Variants in CENATAC observed in about 807,000 individuals in gnomAD.
CENATAC encodes the protein coiled-coil domain containing 84.
Under a neutral mutation model 53.7 loss-of-function variants are expected in CENATAC, and 53 were observed. That is an observed-to-expected ratio of 0.99 (90% CI 0.79 to 1.24). The LOEUF is 1.24. Ranked by LOEUF, CENATAC falls within the 50% of genes most tolerant of loss-of-function variation. The pLI is 0.00. For synonymous variants in CENATAC, 156 were observed against 144.6 expected, an observed-to-expected ratio of 1.08 and a Z score of -0.57; for missense variants, 474 against 417.8, an observed-to-expected ratio of 1.13 and a Z score of -1.17.
intron 3 of CENATAC, chr11:119,001,881 A>AC (rs1205300109): frequency 7.9e-6 from 2 of 253,568 alleles, no homozygotes; most frequent in African/African-American, 4.4e-5. Context: ...GTGTATCAAG[A>AC]CCCCATCTCT....
chr11:119,007,075 ACAT>A (rs1483809659), intron 3 of CENATAC, among the ~76,000 whole-genome samples: 5 of 152,212 alleles, frequency 3.3e-5, no homozygotes, highest in Non-Finnish European at 5.9e-5. Flanking sequence ...CACCCTGTCA[ACAT>A]CATCTCTCTG....
intron 7 of CENATAC, chr11:119,012,984 G>C (rs1942944519): frequency 2.4e-6 from 1 of 420,418 alleles, no homozygotes; most frequent in Non-Finnish European, 4.2e-6. Context: ...TGCTCCCCTG[G>C]CATGTAATAG....
chr11:119,011,822 C>T lies in CENATAC; in HGVS notation c.514-117C>T, dbSNP rs1019469763. 5 of 835,500 alleles carry T rather than the reference C, an allele frequency of 6.0e-6. No individual in the cohort carries two copies. In the African/African-American group the frequency reaches 8.4e-5, roughly 14 times the overall value. 51.8% of individuals were successfully genotyped at this position (835,500 alleles called of 1,614,324 possible). A position where few individuals can be genotyped will look rare whatever the true frequency, so the allele number is the denominator to read the frequency against. The stretch of plus-strand genomic sequence containing the variant: ...AAGAGTCTGTAAAAGATGGGCAGTA[C>T]CTTCCATATGCTAATTTGTTTCCTT... On this transcript the variant is annotated intron_variant, in intron 5 of 10. Coordinates refer to ENST00000334418, the MANE Select transcript of CENATAC (RefSeq NM_198489.3).
chr11:119,014,745 CA>C lies in CENATAC; in HGVS notation c.716-245del, dbSNP rs374992419. On this transcript the variant is annotated intron_variant, in intron 8 of 10. Coordinates refer to ENST00000334418, the MANE Select transcript of CENATAC (RefSeq NM_198489.3). ...GGGTCTAGATTGTAATGGCTTCGCT[CA>C]AAAGTCACCAAATTTAAGTGTGTAT... is the stretch of plus-strand genomic sequence containing the variant. 3.5e-5 allele frequency: 11 copies of C among 317,998 alleles called. No individual in the cohort carries two copies. In the East Asian group the frequency reaches 4.9e-4, roughly 14 times the overall value. The allele number at this position is 317,998 out of a possible 1,614,324, so 19.7% of individuals were successfully genotyped here.
chr11:118,998,950 T>C (rs1270964631), intron 2 of CENATAC, 61 bp from the exon 3 acceptor site: 9 of 1,321,974 alleles, frequency 6.8e-6, no homozygotes, highest in Non-Finnish European at 8.7e-6. Flanking sequence ...AACCTAATGC[T>C]TAATATCTGA....
chr11:119,014,815 C>CA, intron 8 of CENATAC, 179 bp from the exon 9 acceptor site: 1 of 451,240 alleles, frequency 2.2e-6, no homozygotes. Flanking sequence ...AAATGACTGT[C>CA]ACATATGGGG....
At chr11:119,006,178 C>G (rs1403108779) in intron 3 of CENATAC, among the ~76,000 whole-genome samples, 1 of 147,692 alleles carries the variant, frequency 6.8e-6, no homozygotes, top group Admixed American at 6.8e-5. Flanking sequence ...CCTCTGCCTC[C>G]CAGGTTCAAG....
rs1489349957 is a variant in CENATAC, at chr11:119,015,778, G to T, written c.*180G>T. The T allele has an allele frequency of 1.5e-6, 2 of 1,333,858 alleles. No homozygotes were observed. Among genetic ancestry groups the T allele is most frequent in the Admixed American group, 3.9e-5 (2 of 51,146 alleles). 82.6% of individuals were successfully genotyped at this position (1,333,858 alleles called of 1,614,324 possible). On this transcript the variant is annotated 3_prime_UTR_variant, in exon 11 of 11. Coordinates refer to ENST00000334418, the MANE Select transcript of CENATAC (RefSeq NM_198489.3). ...TTGGACCTGTAAAAAAAAATTAAAA[G>T]AATCAGAACCATAAAGCTTTGTATC... is the stretch of plus-strand genomic sequence containing the variant.
rs781888190 is a variant in CENATAC, at chr11:118,998,271, A to G, written c.74A>G (p.Lys25Arg). ...GGTCGCGGGCACGTTTACAGCCGCA[A>G]GCACCAGCGGCAGCTGAAGGAGGCT... ...FCGRGHVYSR[K>R]HQRQLKEALE... The change falls in exon 1 of 11, where the codon AAG becomes AGG. Residue 25 changes from lysine (K) to arginine (R), a missense_variant. Coordinates refer to ENST00000334418, the MANE Select transcript of CENATAC (RefSeq NM_198489.3). 1.9e-6 allele frequency: 3 copies of G among 1,598,096 alleles called. No individual in the cohort carries two copies. The highest frequency in any genetic ancestry group is 2.3e-5 in the South Asian group (2 of 88,714).
Position 119,010,620 on chromosome 11 carries a change from G to A in CENATAC, c.384-144G>A. On this transcript the variant is annotated intron_variant, in intron 3 of 10. Transcript: ENST00000334418. ...ATGGCAAAATGTTTACAAGGACTCTGGGTGAGAGGTACATAGGTGCTTACT... is the reference window on the plus strand; with the variant it reads ...ATGGCAAAATGTTTACAAGGACTCTAGGTGAGAGGTACATAGGTGCTTACT... 2 of 669,100 alleles carry A rather than the reference G, an allele frequency of 3.0e-6. 1 individual carries two copies. Among genetic ancestry groups the A allele is most frequent in the South Asian group, 4.1e-5 (2 of 49,262 alleles). The allele number at this position is 669,100 out of a possible 1,614,324, so 41.4% of individuals were successfully genotyped here.
rs572556966 is a variant in CENATAC, at chr11:119,013,698, C to T, written c.715+436C>T. ...CGGGATGGTCTCGATCTCCTGACCT[C>T]GTGATCCACCCGCCTCGGCCTCCCA... On this transcript the variant is annotated intron_variant, in intron 8 of 10. Transcript: ENST00000334418. Among the ~76,000 whole-genome samples the T allele has an allele frequency of 8.6e-5, 13 of 151,858 alleles. 1 individual carries two copies. In the South Asian group the frequency reaches 2.3e-3, roughly 27 times the overall value.
Position 118,999,606 on chromosome 11 carries a change from A to C in CENATAC, c.383+497A>C, listed in dbSNP as rs529261945. Among the ~76,000 whole-genome samples, 5 of 151,828 alleles carry C rather than the reference A, an allele frequency of 3.3e-5. No homozygotes were observed. In the South Asian group the frequency reaches 8.4e-4, roughly 25 times the overall value. On this transcript the variant is annotated intron_variant, in intron 3 of 10. Transcript: ENST00000334418. The stretch of plus-strand genomic sequence containing the variant: ...CCCAAGTAGCTGGGATTACAGGCGC[A>C]AACCACCACACCTGGCTAATTTTTG...
intron 3 of CENATAC, among the ~76,000 whole-genome samples, chr11:119,009,120 C>G (rs560057240): frequency 1.3e-5 from 2 of 152,150 alleles, no homozygotes; most frequent in Non-Finnish European, 2.9e-5. Flanking sequence ...ATCTTTCTTT[C>G]TTTTCCCTAC....
Position 119,012,003 on chromosome 11 carries a change from G to T in CENATAC, c.578G>T (p.Ser193Ile). Reference sequence around the variant, plus strand: ...CCTAGAAGCTGGAAAGGGATGAACAGGTAAGACTATTAGGGAATCTCTTGT... The same window carrying T: ...CCTAGAAGCTGGAAAGGGATGAACATGTAAGACTATTAGGGAATCTCTTGT... ...SAPRSWKGMN[S>I]QVASSLQQPS... The change falls in exon 6 of 11, where the codon AGC (serine) becomes ATC (isoleucine). Residue 193 changes from serine to isoleucine, a missense_variant and splice_region_variant. Coordinates refer to ENST00000334418, the MANE Select transcript of CENATAC (RefSeq NM_198489.3). 2.5e-6 allele frequency: 4 copies of T among 1,613,926 alleles called. No individual in the cohort carries two copies. The highest frequency in any genetic ancestry group is 3.4e-6 in the Non-Finnish European group (4 of 1,179,888).
intron 3 of CENATAC, among the ~76,000 whole-genome samples, chr11:119,005,389 C>G (rs2134541530): frequency 6.6e-6 from 1 of 151,676 alleles, no homozygotes; most frequent in African/African-American, 2.4e-5. Context: ...TGGCGTGAAC[C>G]CAGGAGGTGG....
chr11:119,003,885 C>G (rs1422506801), intron 3 of CENATAC: 1 of 152,738 alleles, frequency 6.5e-6, no homozygotes, highest in Non-Finnish European at 1.5e-5. Context: ...TCCCAAAGTG[C>G]TGGGATTATA....
intron 3 of CENATAC, among the ~76,000 whole-genome samples, chr11:119,007,945 C>T (rs1160463424): frequency 2.6e-5 from 4 of 152,330 alleles, no homozygotes; most frequent in Admixed American, 2.0e-4. Flanking sequence ...AAAGAGCCAG[C>T]TTCTCAGGTC....
intron 5 of CENATAC, 74 bp downstream of exon 5, chr11:119,011,357 A>C: frequency 2.5e-4 from 345 of 1,354,684 alleles, no homozygotes; most frequent in Non-Finnish European, 3.2e-4. Flanking sequence ...CCAGCATTTC[A>C]TGGACTAGTG....
At chr11:119,006,453 G>A (rs1384671534) in intron 3 of CENATAC, among the ~76,000 whole-genome samples, 1 of 152,102 alleles carries the variant, frequency 6.6e-6, no homozygotes, top group Non-Finnish European at 1.5e-5. Flanking sequence ...AGCCAGGATG[G>A]TCTTGATCTC....
Sources: allele counts gnomAD v4.1 joint callset (sites outside exome capture counted in the v4.1 genomes callset), GRCh38; gene constraint gnomAD v4.1.1; transcripts MANE v1.5; gene names NCBI Gene and HGNC (gene_info 2026-07-23, HGNC 2026-07-21).